The following SLC22A23 variants were observed in gnomAD, a reference collection of about 807,000 sequenced individuals.
The protein encoded by SLC22A23 is solute carrier family 22 member 23, also known as ion transporter protein.
Under a neutral mutation model 61.0 loss-of-function variants are expected in SLC22A23, and 26 were observed. That is an observed-to-expected ratio of 0.43 (90% CI 0.31 to 0.59). SLC22A23 has a LOEUF of 0.59. Among genes scored for constraint, SLC22A23 ranks in the 20% least tolerant of loss-of-function variants. The pLI, the probability that SLC22A23 is intolerant of heterozygous loss-of-function variation, is 0.11. For synonymous variants in SLC22A23, 430 were observed against 413.9 expected, an observed-to-expected ratio of 1.04 and a Z score of -0.47; for missense variants, 796 against 934.7, an observed-to-expected ratio of 0.85 and a Z score of 1.94.
rs73720101 is a variant in SLC22A23 at position 3,309,928 on chromosome 6, A to G, written c.1083-11710T>C. ...GGCAGAGGCAGGCCTGGAACCTGGG[A>G]CTTAAGGCCCCTAAACCTGTGGAGT... On this transcript the variant is annotated intron_variant, in intron 4 of 9. Coordinates refer to ENST00000406686, the MANE Select transcript of SLC22A23 (RefSeq NM_015482.2). This position sits in a 1 kb window ranked among gnomAD's most constrained non-coding sequence, Gnocchi z 4.7. Among the ~76,000 whole-genome samples the G allele has an allele frequency of 0.015, 2,220 of 152,294 alleles. 50 individuals are homozygous for G. The highest frequency in any genetic ancestry group is 0.051 in the African/African-American group (2,108 of 41,550).
intron 9 of SLC22A23, among the ~76,000 whole-genome samples, chr6:3,277,800 A>G (rs1307162816): frequency 6.6e-6 from 1 of 152,212 alleles, no homozygotes; most frequent in Non-Finnish European, 1.5e-5. Flanking sequence ...GCTGGCCCTC[A>G]AGGTACAAGG....
At position 3,269,144 on chromosome 6, in the gene SLC22A23, G is replaced by C. The variant is rs1362767391; in HGVS notation, c.*3911C>G. 9.4e-5 allele frequency: 13 copies of C among 138,974 alleles called. No homozygotes were observed. Among genetic ancestry groups the C allele is most frequent in the Admixed American group, 6.7e-4 (9 of 13,520 alleles). 8.6% of individuals were successfully genotyped at this position (138,974 alleles called of 1,614,324 possible). ...GGATCAGCAGAACATACACGAACAA[G>C]GGAAAAAAATTCCTCTTAATTTTAC... On this transcript the variant is annotated 3_prime_UTR_variant, in exon 10 of 10. Coordinates refer to ENST00000406686, the MANE Select transcript of SLC22A23 (RefSeq NM_015482.2).
chr6:3,338,564 C>A (rs2127419021), intron 3 of SLC22A23, among the ~76,000 whole-genome samples: 1 of 152,336 alleles, frequency 6.6e-6, no homozygotes, highest in Middle Eastern at 3.4e-3. Context: ...CCCGCCTTGG[C>A]CTCCCAAAGT....
chr6:3,405,519 C>T (rs1018953173), intron 3 of SLC22A23, among the ~76,000 whole-genome samples: 1 of 152,150 alleles, frequency 6.6e-6, no homozygotes, highest in African/African-American at 2.4e-5. Context: ...CAGAAGCCCA[C>T]AAGGTAGCTG....
At chr6:3,332,698 A>C (rs1763644464) in intron 3 of SLC22A23, among the ~76,000 whole-genome samples, 1 of 152,306 alleles carries the variant, frequency 6.6e-6, no homozygotes, top group African/African-American at 2.4e-5. Flanking sequence ...CAAAATTAAC[A>C]ATAATTCTTT....
intron 4 of SLC22A23, among the ~76,000 whole-genome samples, chr6:3,307,368 T>A (rs371903035): frequency 6.6e-6 from 1 of 152,202 alleles, no homozygotes; most frequent in Non-Finnish European, 1.5e-5. Context: ...CAAGCCCTTT[T>A]CAGAAACCCC....
At chr6:3,300,790 G>A (rs967424941) in intron 4 of SLC22A23, among the ~76,000 whole-genome samples, 2 of 152,190 alleles carry the variant, frequency 1.3e-5, no homozygotes, top group Non-Finnish European at 2.9e-5. Flanking sequence ...ACATGATGAA[G>A]TTGTTCCCAC....
Position 3,404,884 on chromosome 6 carries a change from G to A in SLC22A23, c.913+5304C>T, listed in dbSNP as rs73343672. Among the ~76,000 whole-genome samples, 1,324 of 152,046 alleles carry A rather than the reference G, an allele frequency of 8.7e-3. 26 individuals carry two copies. Among genetic ancestry groups the A allele is most frequent in the African/African-American group, 0.031 (1,277 of 41,456 alleles). The stretch of plus-strand genomic sequence containing the variant: ...TCCAGTGAAGAAAATGACCAATGGA[G>A]AGACCTCAATCTGCTCCGATTTCCC... On this transcript the variant is annotated intron_variant, in intron 3 of 9. Transcript: ENST00000406686.
chr6:3,349,218 G>A (rs1764622637), intron 3 of SLC22A23, among the ~76,000 whole-genome samples: 1 of 152,198 alleles, frequency 6.6e-6, no homozygotes, highest in African/African-American at 2.4e-5. Flanking sequence ...CCTCGAGGAA[G>A]CCTGCCCTAG....
At chr6:3,435,823 C>T (rs1034530607) in intron 1 of SLC22A23, among the ~76,000 whole-genome samples, 7 of 152,234 alleles carry the variant, frequency 4.6e-5, no homozygotes, top group South Asian at 2.1e-4. Flanking sequence ...GTCTCTAGGG[C>T]GGGCCCTAAT....
At chr6:3,334,166 T>C (rs1018514975) in intron 3 of SLC22A23, among the ~76,000 whole-genome samples, 3 of 152,236 alleles carry the variant, frequency 2.0e-5, no homozygotes, top group African/African-American at 7.2e-5. Context: ...GCTGTTTTTA[T>C]TTTTTTATTT....
At chr6:3,435,297 T>A (rs1771132736) in intron 1 of SLC22A23, among the ~76,000 whole-genome samples, 1 of 151,366 alleles carries the variant, frequency 6.6e-6, no homozygotes, top group Non-Finnish European at 1.5e-5. Flanking sequence ...CCCTTCCCTC[T>A]CCCTTCCTCA....
Position 3,298,134 on chromosome 6 carries a change from C to A in SLC22A23, c.1167G>T (p.Lys389Asn). Residue 389 changes from lysine (K) to asparagine (N), a missense_variant, in exon 5 of 10, where the codon AAG becomes AAT. Physicochemically the swap from Lys to Asn is moderately conservative, Grantham distance 94. Coordinates refer to ENST00000406686, the MANE Select transcript of SLC22A23 (RefSeq NM_015482.2). ...AKRLILHFTQ[K>N]NRMNPEGDIK... ...TGTCGCCCTCAGGGTTCATGCGATT[C>A]TTCTGTGTGAAGTGGAGGATCAGCC... The A allele has an allele frequency of 6.3e-7, 1 of 1,587,080 alleles. No homozygotes were observed. Among genetic ancestry groups the A allele is most frequent in the Non-Finnish European group, 8.6e-7 (1 of 1,169,576 alleles).
rs1381969378 is a variant in SLC22A23, at chr6:3,410,649, G to A, written c.759-307C>T. On this transcript the variant is annotated intron_variant, in intron 2 of 9. Transcript: ENST00000406686. This position sits in a 1 kb window ranked among gnomAD's most constrained non-coding sequence, Gnocchi z 5.0. ...TGAGTGTATAGTGATATAATTCAAG[G>A]CAAGGGGAACAAAATTAATAATTCT... is the stretch of plus-strand genomic sequence containing the variant. 2.6e-5 allele frequency among the ~76,000 whole-genome samples: 4 copies of A among 152,134 alleles called. No homozygotes were observed. Among genetic ancestry groups the A allele is most frequent in the Non-Finnish European group, 5.9e-5 (4 of 68,034 alleles).
intron 3 of SLC22A23, among the ~76,000 whole-genome samples, chr6:3,391,531 TTCA>T (rs1767661409): frequency 6.6e-6 from 1 of 152,232 alleles, no homozygotes; most frequent in Non-Finnish European, 1.5e-5. Flanking sequence ...AATTCATTCA[TTCA>T]TCATGTTCCA....
chr6:3,401,211 G>A (rs1167279078), intron 3 of SLC22A23, among the ~76,000 whole-genome samples: 3 of 152,188 alleles, frequency 2.0e-5, no homozygotes, highest in African/African-American at 4.8e-5. Flanking sequence ...GCGTGGTGGC[G>A]CCTGTAGTCC....
At chr6:3,421,444 T>G (rs995964975) in intron 1 of SLC22A23, among the ~76,000 whole-genome samples, 1 of 152,236 alleles carries the variant, frequency 6.6e-6, no homozygotes, top group African/African-American at 2.4e-5. Flanking sequence ...ATAGTGCCAT[T>G]AAAAATTTCG....
At position 3,328,799 on chromosome 6, in the gene SLC22A23, T is replaced by C. The variant is rs1763420617; in HGVS notation, c.914-4797A>G. 6.6e-6 allele frequency among the ~76,000 whole-genome samples: 1 copy of C among 152,266 alleles called. No homozygotes were observed. The highest frequency in any genetic ancestry group is 1.9e-4 in the East Asian group (1 of 5,182). ...TCTAAATATCTCCTGTTGTTTCCTC[T>C]TCTCTGGTTGAACTCTGAGGCGGAG... On this transcript the variant is annotated intron_variant, in intron 3 of 9. Transcript: ENST00000406686. This position sits in a 1 kb window ranked among gnomAD's most constrained non-coding sequence, Gnocchi z 5.0.
At chr6:3,356,447 G>A (rs941376393) in intron 3 of SLC22A23, among the ~76,000 whole-genome samples, 1 of 152,048 alleles carries the variant, frequency 6.6e-6, no homozygotes, top group African/African-American at 2.4e-5. Flanking sequence ...TCAGAGGAGT[G>A]ATTTTAGCAG....
Sources: gnomAD v4.1 joint callset for allele counts (sites outside exome capture counted in the v4.1 genomes callset) on GRCh38, gnomAD v4.1.1 for gene constraint, Gnocchi (gnomAD v3.1) non-coding constraint, MANE v1.5 for transcripts, NCBI Gene and HGNC (gene_info 2026-07-23, HGNC 2026-07-21) for gene names.